The following LHPP variants were observed in gnomAD, a reference collection of about 807,000 sequenced individuals.
The protein encoded by LHPP is hLHPP.
A neutral mutation model predicts 30.3 loss-of-function variants in LHPP; 24 were observed. The ratio of observed to expected loss-of-function variants is 0.79; its 90% CI spans 0.57 to 1.11. The LOEUF is 1.11. Ranked by LOEUF, LHPP falls within the 50% of genes most tolerant of loss-of-function variation. The probability of loss-of-function intolerance (pLI) is 0.00; values close to 1 mark genes in which losing one functional copy is unlikely to be tolerated. For synonymous variants in LHPP, 150 were observed against 157.1 expected, an observed-to-expected ratio of 0.95 and a Z score of 0.34; for missense variants, 356 against 367.2, an observed-to-expected ratio of 0.97 and a Z score of 0.25.
At chr10:124,607,692 C>CG (rs1246294082) in intron 6 of LHPP, among the ~76,000 whole-genome samples, 1 of 152,076 alleles carries the variant, frequency 6.6e-6, no homozygotes, top group Non-Finnish European at 1.5e-5. Context: ...GCCAGTCCCC[C>CG]GGGGGCTCGG....
intron 6 of LHPP, among the ~76,000 whole-genome samples, chr10:124,564,127 T>A (rs1161693909): frequency 1.4e-5 from 2 of 140,956 alleles, no homozygotes; most frequent in African/African-American, 5.9e-5. Flanking sequence ...AAAAAAAAAT[T>A]TTTTTTTTTT....
rs528588168 is a variant in LHPP, at chr10:124,581,564, C to T, written c.717-31700C>T. Among the ~76,000 whole-genome samples the T allele has an allele frequency of 1.5e-4, 23 of 152,296 alleles. No individual in the cohort carries two copies. In the East Asian group the frequency reaches 1.9e-3, roughly 13 times the overall value. ...GCTGATTTATCTATGTCCTTACCAA[C>T]GCTTCTTATCTGACTGTTTAATTCT... On this transcript the variant is annotated intron_variant, in intron 6 of 6. Coordinates refer to ENST00000368842, the MANE Select transcript of LHPP (RefSeq NM_022126.4).
At chr10:124,485,318 C>T (rs979456610) in intron 2 of LHPP, among the ~76,000 whole-genome samples, 3 of 151,956 alleles carry the variant, frequency 2.0e-5, no homozygotes, top group Non-Finnish European at 2.9e-5. Flanking sequence ...TTGCTGGACC[C>T]GGGAGTGGAG....
intron 1 of LHPP, among the ~76,000 whole-genome samples, chr10:124,471,193 T>G (rs1485254877): frequency 6.6e-6 from 1 of 151,158 alleles, no homozygotes; most frequent in African/African-American, 2.4e-5. Flanking sequence ...CCCTGACTCT[T>G]GTCCAGTTCT....
At chr10:124,500,656 A>G (rs1009171396) in intron 5 of LHPP, among the ~76,000 whole-genome samples, 1 of 151,920 alleles carries the variant, frequency 6.6e-6, no homozygotes, top group Non-Finnish European at 1.5e-5. Flanking sequence ...GATACTCAAT[A>G]TCATCATTCA....
chr10:124,520,813 G>A (rs913216536), intron 6 of LHPP, among the ~76,000 whole-genome samples: 5 of 152,226 alleles, frequency 3.3e-5, no homozygotes, highest in African/African-American at 1.2e-4. Context: ...GTGACTTGTA[G>A]CTCGCCCACA....
intron 1 of LHPP, among the ~76,000 whole-genome samples, chr10:124,474,007 T>C (rs1834269906): frequency 6.6e-6 from 1 of 151,978 alleles, no homozygotes; most frequent in Non-Finnish European, 1.5e-5. Context: ...TTTTGTTTTC[T>C]TTTCCTTTTT....
chr10:124,522,730 C>CCG lies in LHPP; in HGVS notation c.716+5460_716+5461insGC, dbSNP rs887987462. Among the ~76,000 whole-genome samples, 518 of 149,840 alleles carry CCG rather than the reference C, an allele frequency of 3.5e-3. 6 individuals are homozygous for CCG. The highest frequency in any genetic ancestry group is 0.033 in the South Asian group (159 of 4,796). On this transcript the variant is annotated intron_variant, in intron 6 of 6. Transcript: ENST00000368842. Reference sequence around the variant, plus strand: ...AAGTGCACTGCTGCCCACGCCCCCCCCCAAGCACTGTCTGCTCCTCCCTGC... The same window carrying CCG: ...AAGTGCACTGCTGCCCACGCCCCCCCCGCCAAGCACTGTCTGCTCCTCCCTGC...
chr10:124,479,122 C>T (rs1056072380), intron 1 of LHPP, among the ~76,000 whole-genome samples: 6 of 151,890 alleles, frequency 4.0e-5, no homozygotes, highest in Admixed American at 1.3e-4. Flanking sequence ...AGCAAATCCC[C>T]ACTCCCATGG....
Position 124,480,509 on chromosome 10 carries a change from T to C in LHPP, c.126-3630T>C, listed in dbSNP as rs149741775. On this transcript the variant is annotated intron_variant, in intron 1 of 6. Transcript: ENST00000368842. ...TCGATTGCTCACTGTTCTGAGAAGG[T>C]CACATCATCATTCATTAGCAATAAT... is the stretch of plus-strand genomic sequence containing the variant. 6.3e-3 allele frequency among the ~76,000 whole-genome samples: 955 copies of C among 152,258 alleles called. 3 individuals are homozygous for C. The highest frequency in any genetic ancestry group is 0.021 in the African/African-American group (860 of 41,548).
chr10:124,537,767 A>G (rs1955065209), intron 6 of LHPP, among the ~76,000 whole-genome samples: 1 of 152,300 alleles, frequency 6.6e-6, no homozygotes, highest in Admixed American at 6.5e-5. Flanking sequence ...CCGGGCTGAT[A>G]TTACCCGAGA....
chr10:124,587,749 A>AAAAAC (rs1948823997), intron 6 of LHPP, among the ~76,000 whole-genome samples: 1 of 150,206 alleles, frequency 6.7e-6, no homozygotes, highest in East Asian at 1.9e-4. Flanking sequence ...AAAAAAAAAA[A>AAAAAC]AAAAAAAAAA....
At chr10:124,516,475 A>T (rs550831472) in intron 5 of LHPP, among the ~76,000 whole-genome samples, 1 of 152,268 alleles carries the variant, frequency 6.6e-6, no homozygotes, top group Admixed American at 6.5e-5. Context: ...CACAGTCTGG[A>T]AGCATCGAAG....
At chr10:124,501,907 G>GT (rs1438918066) in intron 5 of LHPP, among the ~76,000 whole-genome samples, 1 of 151,754 alleles carries the variant, frequency 6.6e-6, no homozygotes, top group Non-Finnish European at 1.5e-5. Flanking sequence ...TCGTTTTTAT[G>GT]TTTTCTGAGC....
At position 124,532,693 on chromosome 10, in the gene LHPP, G is replaced by A. The variant is rs192457326; in HGVS notation, c.716+15422G>A. ...TTCCCAGGCCATTTCTGCATTTGTG[G>A]TTCTCTTCCAAGCCTCTTGGGTAGG... is the stretch of plus-strand genomic sequence containing the variant. On this transcript the variant is annotated intron_variant, in intron 6 of 6. Coordinates refer to ENST00000368842, the MANE Select transcript of LHPP (RefSeq NM_022126.4). Among the ~76,000 whole-genome samples the A allele has an allele frequency of 3.6e-3, 545 of 152,320 alleles. 2 individuals are homozygous for A. The highest frequency in any genetic ancestry group is 6.3e-3 in the Non-Finnish European group (427 of 68,030).
At chr10:124,587,506 C>T (rs1257552831) in intron 6 of LHPP, among the ~76,000 whole-genome samples, 1 of 151,160 alleles carries the variant, frequency 6.6e-6, no homozygotes. Context: ...TTTGGGAGGC[C>T]GAGACGGGCG....
intron 5 of LHPP, among the ~76,000 whole-genome samples, chr10:124,509,335 A>G (rs1044498300): frequency 4.6e-5 from 7 of 152,210 alleles, no homozygotes; most frequent in South Asian, 2.1e-4. Context: ...GATGGAGATG[A>G]GGCTGCTTCC....
intron 5 of LHPP, among the ~76,000 whole-genome samples, chr10:124,514,529 G>T (rs941601502): frequency 2.0e-5 from 3 of 152,120 alleles, no homozygotes; most frequent in Non-Finnish European, 4.4e-5. Flanking sequence ...CTTCTCACTT[G>T]CATTGTTTCC....
chr10:124,527,558 C>G (rs1363124814), intron 6 of LHPP, among the ~76,000 whole-genome samples: 1 of 152,108 alleles, frequency 6.6e-6, no homozygotes, highest in Non-Finnish European at 1.5e-5. Flanking sequence ...GCCCTTTGCC[C>G]AGGCCCAGCC....
Sources: gnomAD v4.1 joint callset for allele counts (sites outside exome capture counted in the v4.1 genomes callset) on GRCh38, gnomAD v4.1.1 for gene constraint, MANE v1.5 for transcripts, NCBI Gene and HGNC (gene_info 2026-07-23, HGNC 2026-07-21) for gene names.